The following INPP5B variants were observed in gnomAD, a reference collection of about 807,000 sequenced individuals.
INPP5B encodes the protein inositol polyphosphate-5-phosphatase B.
In INPP5B, 90 loss-of-function variants were observed where a neutral mutation model predicts 118.5. That is an observed-to-expected ratio of 0.76 (90% CI 0.64 to 0.90). The LOEUF (loss-of-function observed/expected upper bound fraction) is 0.90. INPP5B is among the 40% of genes least tolerant of loss of function. INPP5B has a pLI of 0.00. For missense variants in INPP5B, 984 were observed against 1,125.6 expected (o/e 0.87, Z 1.80); for synonymous variants, 385 against 418.9 (o/e 0.92, Z 0.99).
At chr1:37,903,493 G>C (rs370365902) in intron 7 of INPP5B, among the ~76,000 whole-genome samples, 8 of 152,292 alleles carry the variant, frequency 5.3e-5, no homozygotes, top group African/African-American at 1.7e-4. Flanking sequence ...TTGAGAGGCC[G>C]AGACGGGTGG....
At chr1:37,901,265 G>A (rs1644322647) in intron 7 of INPP5B, among the ~76,000 whole-genome samples, 1 of 152,188 alleles carries the variant, frequency 6.6e-6, no homozygotes, top group African/African-American at 2.4e-5. Flanking sequence ...ATCAGGAAAT[G>A]TCAGCTGACG....
intron 7 of INPP5B, among the ~76,000 whole-genome samples, chr1:37,923,101 C>A (rs566015318): frequency 3.9e-5 from 6 of 152,282 alleles, no homozygotes; most frequent in African/African-American, 1.4e-4. Flanking sequence ...GTTGAGGCCA[C>A]AAAGCACCTT....
chr1:37,906,933 G>A (rs776400642), intron 7 of INPP5B, among the ~76,000 whole-genome samples: 8 of 151,578 alleles, frequency 5.3e-5, no homozygotes, highest in African/African-American at 1.7e-4. Context: ...TTGTGTTTAC[G>A]TTTTTTCCTG....
At chr1:37,881,045 G>C (rs1643168944) in intron 14 of INPP5B, among the ~76,000 whole-genome samples, 1 of 152,180 alleles carries the variant, frequency 6.6e-6, no homozygotes, top group Non-Finnish European at 1.5e-5. Flanking sequence ...TAAGAGCATA[G>C]CTACACCCAA....
chr1:37,862,057 T>A lies in INPP5B; in HGVS notation c.*258A>T. On this transcript the variant is annotated 3_prime_UTR_variant, in exon 24 of 24. Coordinates refer to ENST00000373024, the MANE Select transcript of INPP5B (RefSeq NM_005540.3). ...TCTCAAAATAAAAAAAAATAAAAAA[T>A]AAAAAAATCTGTGTTAAATAACTAA... 2.7e-6 allele frequency: 1 copy of A among 376,768 alleles called. No homozygotes were observed. The highest frequency in any genetic ancestry group is 4.7e-6 in the Non-Finnish European group (1 of 210,608). 23.3% of individuals were successfully genotyped at this position (376,768 alleles called of 1,614,324 possible).
intron 18 of INPP5B, 168 bp from the exon 19 acceptor site, chr1:37,873,333 C>CA: frequency 1.7e-6 from 1 of 599,094 alleles, no homozygotes. Flanking sequence ...GACACAAGAA[C>CA]AAAGAGTTTA....
chr1:37,941,952 A>ATATATATATATATATATATAT (rs1645936376), intron 5 of INPP5B: 1 of 30,512 alleles, frequency 3.3e-5, no homozygotes, highest in African/African-American at 1.4e-4. Flanking sequence ...AAAAAAAAAA[A>ATATATATATATATATATATAT]AAAAAAATAT....
At chr1:37,920,887 A>G (rs987036526) in intron 7 of INPP5B, among the ~76,000 whole-genome samples, 48 of 151,950 alleles carry the variant, frequency 3.2e-4, no homozygotes, top group African/African-American at 1.2e-3. Flanking sequence ...CAGGCATATC[A>G]CAAGGTCAGG....
intron 7 of INPP5B, among the ~76,000 whole-genome samples, chr1:37,900,470 G>A (rs998576553): frequency 7.3e-5 from 11 of 150,586 alleles, no homozygotes; most frequent in Admixed American, 2.6e-4. Flanking sequence ...GGTCAGGCTG[G>A]TCTTGAACTC....
chr1:37,862,526 C>A, intron 23 of INPP5B, 96 bp from the exon 24 acceptor site: 1 of 781,262 alleles, frequency 1.3e-6, no homozygotes, highest in Non-Finnish European at 2.2e-6. Flanking sequence ...AGAAATGTGT[C>A]ATTAGGTGAT....
rs190204689 is a variant in INPP5B at position 37,945,793 on chromosome 1, C to T, written c.115G>A (p.Val39Met). The change falls in exon 3 of 24, where the codon GTG becomes ATG. Residue 39 changes from valine (V) to methionine (M), a missense_variant. Val to Met is a conservative substitution (Grantham distance 21). This residue lies in a region of INPP5B where 350 missense variants were observed against 334.6 expected (regional missense o/e 1.05). Coordinates refer to ENST00000373024, the MANE Select transcript of INPP5B (RefSeq NM_005540.3). ...DSRQSRLLGL[V>M]RYRLEHGGQE... Reference sequence around the variant, plus strand: ...CCGCCGTGCTCCAGGCGGTAGCGCACGAGTCCCAGGAGGCGGCTCTGCCGG... The same window carrying T: ...CCGCCGTGCTCCAGGCGGTAGCGCATGAGTCCCAGGAGGCGGCTCTGCCGG... 2.2e-5 allele frequency: 35 copies of T among 1,614,036 alleles called. No homozygotes were observed. The highest frequency in any genetic ancestry group is 1.6e-4 in the South Asian group (15 of 91,068).
chr1:37,881,432 G>A (rs1304917094), intron 14 of INPP5B, among the ~76,000 whole-genome samples: 4 of 152,120 alleles, frequency 2.6e-5, no homozygotes, highest in Admixed American at 2.6e-4. Flanking sequence ...CCTCTTCCCT[G>A]GAGCACCACA....
intron 7 of INPP5B, among the ~76,000 whole-genome samples, chr1:37,920,793 C>T (rs1010018754): frequency 6.6e-6 from 1 of 151,686 alleles, no homozygotes. Context: ...CTCTCTAAGC[C>T]TCAATCTCCC....
At chr1:37,932,121 A>G in intron 6 of INPP5B, 68 bp from the exon 7 acceptor site, 1 of 1,442,206 alleles carries the variant, frequency 6.9e-7, no homozygotes, top group Non-Finnish European at 9.1e-7. Flanking sequence ...TGATTGTATT[A>G]TCCCAAGAGA....
intron 5 of INPP5B, chr1:37,942,006 T>C (rs1645947815): frequency 7.6e-6 from 1 of 132,088 alleles, no homozygotes; most frequent in Non-Finnish European, 1.6e-5. Context: ...GTGTGGGCTC[T>C]AGAATCTGAA....
At chr1:37,946,601 G>A (rs1159906013) in intron 1 of INPP5B, among the ~76,000 whole-genome samples, 3 of 152,220 alleles carry the variant, frequency 2.0e-5, no homozygotes, top group East Asian at 3.9e-4. Context: ...TTGCTCTTGA[G>A]TGTGGTCTAT....
chr1:37,922,252 G>A (rs1048735832), intron 7 of INPP5B, among the ~76,000 whole-genome samples: 1 of 152,012 alleles, frequency 6.6e-6, no homozygotes, highest in African/African-American at 2.4e-5. Context: ...AGCCAGACAT[G>A]GTGGCACATG....
chr1:37,862,071 T>C lies in INPP5B; in HGVS notation c.*244A>G. 2.3e-6 allele frequency: 1 copy of C among 431,916 alleles called. No homozygotes were observed. The highest frequency in any genetic ancestry group is 4.1e-6 in the Non-Finnish European group (1 of 244,004). The allele number at this position is 431,916 out of a possible 1,614,324, so 26.8% of individuals were successfully genotyped here. On this transcript the variant is annotated 3_prime_UTR_variant, in exon 24 of 24. Coordinates refer to ENST00000373024, the MANE Select transcript of INPP5B (RefSeq NM_005540.3). ...AAAATAAAAAATAAAAAAATCTGTG[T>C]TAAATAACTAAAGTTGAAAATTGAA...
chr1:37,879,939 C>T (rs2148488500), intron 15 of INPP5B, 146 bp downstream of exon 15: 1 of 492,280 alleles, frequency 2.0e-6, no homozygotes, highest in African/African-American at 1.9e-5. Context: ...TGAGCAGATA[C>T]TGAGAGAAAA....
Sources: allele counts gnomAD v4.1 joint callset (sites outside exome capture counted in the v4.1 genomes callset), GRCh38; gene constraint gnomAD v4.1.1; regional missense constraint gnomAD v4.1.1; transcripts MANE v1.5; gene names NCBI Gene and HGNC (gene_info 2026-07-23, HGNC 2026-07-21).